Variants in COMMD7 observed in about 807,000 individuals in gnomAD.
The protein encoded by COMMD7 is COMM domain-containing protein 7.
In COMMD7, 28 loss-of-function variants were observed where a neutral mutation model predicts 34.8. That is an observed-to-expected ratio of 0.80 (90% CI 0.60 to 1.10). COMMD7 has a LOEUF of 1.10. Ranked by LOEUF, COMMD7 falls within the 50% of genes least tolerant of loss-of-function variation. The pLI, the probability that COMMD7 is intolerant of heterozygous loss-of-function variation, is 0.00. For synonymous variants in COMMD7, 80 were observed against 86.4 expected (o/e 0.93, Z 0.41); for missense variants, 211 against 241.6 (o/e 0.87, Z 0.84).
At chr20:32,709,543 C>T (rs529517726) in intron 3 of COMMD7, among the ~76,000 whole-genome samples, 1 of 152,326 alleles carries the variant, frequency 6.6e-6, no homozygotes, top group South Asian at 2.1e-4. Context: ...GAGCGAGACT[C>T]CGTCTCAAAA....
intron 5 of COMMD7, 146 bp from the exon 6 acceptor site, chr20:32,705,050 A>C (rs1226301535): frequency 1.6e-6 from 1 of 629,112 alleles, no homozygotes; most frequent in African/African-American, 1.8e-5. Flanking sequence ...CGAAGGGCTC[A>C]GTCTATATGC....
intron 1 of COMMD7, among the ~76,000 whole-genome samples, chr20:32,736,656 C>T (rs1423364429): frequency 6.6e-6 from 1 of 151,638 alleles, no homozygotes. Context: ...GGTGATACAG[C>T]GAGACTCTGA....
chr20:32,705,098 C>T (rs893928139), intron 5 of COMMD7, among the ~76,000 whole-genome samples, 194 bp from the exon 6 acceptor site: 13 of 151,806 alleles, frequency 8.6e-5, no homozygotes, highest in Admixed American at 3.3e-4. Flanking sequence ...GAGTGGCAGA[C>T]CACAACATTA....
chr20:32,727,629 TAG>T (rs1240747417), intron 3 of COMMD7, among the ~76,000 whole-genome samples: 2 of 151,952 alleles, frequency 1.3e-5, no homozygotes, highest in Admixed American at 1.3e-4. Context: ...GTCCTTATTA[TAG>T]AGAGGACAAG....
chr20:32,714,966 C>T (rs912780880), intron 3 of COMMD7, among the ~76,000 whole-genome samples: 1 of 150,486 alleles, frequency 6.6e-6, no homozygotes, highest in Non-Finnish European at 1.5e-5. Flanking sequence ...GCCGAGACTG[C>T]ACCACTGCAC....
At chr20:32,708,237 T>C (rs28396792) in intron 3 of COMMD7, among the ~76,000 whole-genome samples, 330 of 152,266 alleles carry the variant, frequency 2.2e-3, no homozygotes, top group African/African-American at 7.3e-3. Context: ...CAGTCACAAT[T>C]TGGCAACCAC....
At position 32,727,895 on chromosome 20, in the gene COMMD7, T is replaced by C. The variant is rs780162797; in HGVS notation, c.239A>G (p.Asn80Ser). Residue 80 changes from asparagine to serine, a missense_variant and splice_region_variant, in exon 3 of 9, where the codon AAT becomes AGT. By Grantham distance (46) the Asn-to-Ser change is conservative (BLOSUM62 1). Coordinates refer to ENST00000278980, the MANE Select transcript of COMMD7 (RefSeq NM_053041.3). ...SIVKSLLLVP[N>S]GALKKSLTAK... is the part of the protein sequence containing the mutation. Reference sequence around the variant, plus strand: ...AGCTGCTAAGAGAGGTTACTCACCATTTGGAACCAGAAGGAGGCTTTTCAC... The same window carrying C: ...AGCTGCTAAGAGAGGTTACTCACCACTTGGAACCAGAAGGAGGCTTTTCAC... 1 of 1,610,554 alleles carries C rather than the reference T, an allele frequency of 6.2e-7. No homozygotes were observed. Among genetic ancestry groups the C allele is most frequent in the East Asian group, 2.2e-5 (1 of 44,870 alleles).
chr20:32,735,162 C>T (rs1184645636), intron 1 of COMMD7, among the ~76,000 whole-genome samples: 1 of 150,602 alleles, frequency 6.6e-6, no homozygotes, highest in Admixed American at 6.6e-5. Context: ...TGCTTGAACC[C>T]GGGAGGCAGA....
chr20:32,717,635 T>A (rs568175592), intron 3 of COMMD7, among the ~76,000 whole-genome samples: 3 of 152,138 alleles, frequency 2.0e-5, no homozygotes, highest in African/African-American at 4.8e-5. Flanking sequence ...CAATTTTTTT[T>A]ATTTTTTGTA....
At chr20:32,740,737 C>T (rs894627267) in intron 1 of COMMD7, among the ~76,000 whole-genome samples, 7 of 148,198 alleles carry the variant, frequency 4.7e-5, no homozygotes, top group Admixed American at 2.1e-4. Flanking sequence ...ATTTGGGAGG[C>T]TGAGGTGGAA....
intron 3 of COMMD7, among the ~76,000 whole-genome samples, chr20:32,721,756 C>A (rs1375564804): frequency 1.3e-5 from 2 of 151,984 alleles, no homozygotes; most frequent in Non-Finnish European, 2.9e-5. Flanking sequence ...ATTAGGCGGG[C>A]GTGGTGGTGG....
intron 3 of COMMD7, among the ~76,000 whole-genome samples, chr20:32,717,406 A>G (rs573938398): frequency 1.3e-5 from 2 of 151,308 alleles, no homozygotes; most frequent in Admixed American, 1.3e-4. Context: ...GCTCACTGCA[A>G]CATCTGCCTC....
intron 3 of COMMD7, among the ~76,000 whole-genome samples, chr20:32,707,850 G>C (rs1984197714): frequency 6.6e-6 from 1 of 151,942 alleles, no homozygotes; most frequent in South Asian, 2.1e-4. Flanking sequence ...ACTATTGCAT[G>C]TGGTTATGCA....
chr20:32,737,232 T>C (rs1031940634), intron 1 of COMMD7, among the ~76,000 whole-genome samples: 6 of 149,578 alleles, frequency 4.0e-5, no homozygotes, highest in African/African-American at 1.5e-4. Flanking sequence ...TAGCTGGGTG[T>C]GAGGGAGGGC....
chr20:32,725,235 G>T (rs921048306), intron 3 of COMMD7, among the ~76,000 whole-genome samples: 1 of 151,950 alleles, frequency 6.6e-6, no homozygotes, highest in Non-Finnish European at 1.5e-5. Context: ...ATGAAAAAAT[G>T]TGAGTTCCAG....
chr20:32,703,616 C>T, intron 8 of COMMD7, 158 bp from the exon 9 acceptor site: 1 of 1,439,700 alleles, frequency 6.9e-7, no homozygotes. Context: ...AACTGAGAGA[C>T]TTGAATGCAG....
chr20:32,727,647 A>T (rs1985591904), intron 3 of COMMD7, among the ~76,000 whole-genome samples: 1 of 152,120 alleles, frequency 6.6e-6, no homozygotes, highest in Non-Finnish European at 1.5e-5. Flanking sequence ...ACAAGAGGAC[A>T]TTCTGAGGAC....
chr20:32,717,790 C>T (rs1045705470), intron 3 of COMMD7, among the ~76,000 whole-genome samples: 1 of 151,844 alleles, frequency 6.6e-6, no homozygotes, highest in African/African-American at 2.4e-5. Flanking sequence ...GAATTACATA[C>T]TAAATAGTAC....
chr20:32,741,395 GT>G (rs200988856), intron 1 of COMMD7, among the ~76,000 whole-genome samples: 19 of 143,302 alleles, frequency 1.3e-4, no homozygotes, highest in East Asian at 4.1e-4. Context: ...CTAGAAAGTT[GT>G]TTTTTTTTTT....
Sources: gnomAD v4.1 joint callset for allele counts (sites outside exome capture counted in the v4.1 genomes callset) on GRCh38, gnomAD v4.1.1 for gene constraint, MANE v1.5 for transcripts, NCBI Gene and HGNC (gene_info 2026-07-23, HGNC 2026-07-21) for gene names.